The following SYNDIG1L variants were observed in gnomAD, a reference collection of about 807,000 sequenced individuals.
The protein encoded by SYNDIG1L is synapse differentiation-inducing gene protein 1-like.
In SYNDIG1L, 13 loss-of-function variants were observed where a neutral mutation model predicts 20.1. The observed-to-expected ratio is 0.65, with a 90% CI of 0.42 to 1.03. The LOEUF (loss-of-function observed/expected upper bound fraction) is 1.03, where lower values mean the gene tolerates loss of function less well. Ranked by LOEUF, SYNDIG1L falls within the 50% of genes least tolerant of loss-of-function variation. SYNDIG1L has a pLI of 0.00. For missense variants in SYNDIG1L, 294 were observed against 305.1 expected, an observed-to-expected ratio of 0.96 and a Z score of 0.27; for synonymous variants, 128 against 129.3, an observed-to-expected ratio of 0.99 and a Z score of 0.07.
the SYNDIG1L span, among the ~76,000 whole-genome samples, chr14:74,435,290 C>A: frequency 6.6e-6 from 1 of 152,090 alleles, no homozygotes; most frequent in Non-Finnish European, 1.5e-5. Flanking sequence ...AGTTTTGGTG[C>A]CAATGGACAA....
intron 1 of SYNDIG1L, among the ~76,000 whole-genome samples, chr14:74,420,994 A>G (rs1219832391): frequency 2.0e-5 from 3 of 152,242 alleles, no homozygotes; most frequent in Non-Finnish European, 4.4e-5. Context: ...TAAATGGACA[A>G]CAAAAGATAA....
the SYNDIG1L span, among the ~76,000 whole-genome samples, chr14:74,471,416 G>C: frequency 6.6e-5 from 10 of 152,160 alleles, no homozygotes; most frequent in East Asian, 1.9e-3. Context: ...GAGCAACATG[G>C]CAAAACTCCG....
intron 2 of SYNDIG1L, among the ~76,000 whole-genome samples, chr14:74,408,555 C>T: frequency 7.0e-6 from 1 of 143,148 alleles, no homozygotes; most frequent in African/African-American, 2.6e-5. Context: ...CAGAGCGAGA[C>T]TCCATCTCAA....
chr14:74,432,140 GGTGTGTGT>G, the SYNDIG1L span, among the ~76,000 whole-genome samples: 59 of 121,086 alleles, frequency 4.9e-4, no homozygotes, highest in African/African-American at 1.5e-3. Context: ...TGCCTTGGAA[GGTGTGTGT>G]GTGTGTGTGT....
the SYNDIG1L span, among the ~76,000 whole-genome samples, chr14:74,466,758 G>A: frequency 2.0e-5 from 3 of 152,158 alleles, no homozygotes; most frequent in African/African-American, 4.8e-5. Context: ...CAAAAGGTCC[G>A]GTGGCTAAAG....
the SYNDIG1L span, among the ~76,000 whole-genome samples, chr14:74,471,417 C>CA: frequency 3.3e-5 from 5 of 152,012 alleles, no homozygotes; most frequent in Non-Finnish European, 7.4e-5. Flanking sequence ...AGCAACATGG[C>CA]AAAACTCCGT....
At chr14:74,438,346 G>T in the SYNDIG1L span, among the ~76,000 whole-genome samples, 2 of 152,216 alleles carry the variant, frequency 1.3e-5, no homozygotes, top group Non-Finnish European at 2.9e-5. Context: ...GCTCACAGCA[G>T]TTCCAACTCC....
the SYNDIG1L span, chr14:74,479,476 C>G: frequency 6.6e-6 from 1 of 152,280 alleles, no homozygotes; most frequent in African/African-American, 2.4e-5. Flanking sequence ...AAATATATGC[C>G]CATGATTATA....
At chr14:74,477,835 T>C in the SYNDIG1L span, among the ~76,000 whole-genome samples, 1 of 152,202 alleles carries the variant, frequency 6.6e-6, no homozygotes, top group East Asian at 1.9e-4. Context: ...GAGACGGTCA[T>C]TGGAAAGAGG....
intron 3 of SYNDIG1L, 25 bp downstream of exon 3, chr14:74,407,824 G>A (rs1329043513): frequency 6.2e-7 from 1 of 1,601,670 alleles, no homozygotes; most frequent in East Asian, 2.2e-5. Context: ...GCCAGAGAAG[G>A]GACCTGGGCC....
chr14:74,419,137 G>A (rs2086201208), intron 1 of SYNDIG1L, among the ~76,000 whole-genome samples: 2 of 152,144 alleles, frequency 1.3e-5, no homozygotes, highest in Admixed American at 1.3e-4. Flanking sequence ...CTAGCTCTCA[G>A]CTCAAAGGTC....
At chr14:74,420,896 G>A (rs1304806641) in intron 1 of SYNDIG1L, among the ~76,000 whole-genome samples, 1 of 152,190 alleles carries the variant, frequency 6.6e-6, no homozygotes, top group Non-Finnish European at 1.5e-5. Context: ...CAGAAGAGAG[G>A]CCTACTGTGG....
At chr14:74,433,991 A>G in the SYNDIG1L span, among the ~76,000 whole-genome samples, 1 of 152,236 alleles carries the variant, frequency 6.6e-6, no homozygotes, top group African/African-American at 2.4e-5. Flanking sequence ...AGAGTTTGCA[A>G]TATCATGGGA....
chr14:74,446,572 A>G, the SYNDIG1L span, among the ~76,000 whole-genome samples: 1 of 151,592 alleles, frequency 6.6e-6, no homozygotes, highest in Non-Finnish European at 1.5e-5. Context: ...ATGGTAAAGA[A>G]TTCTCAAACT....
At chr14:74,443,898 C>G in the SYNDIG1L span, among the ~76,000 whole-genome samples, 1 of 152,144 alleles carries the variant, frequency 6.6e-6, no homozygotes, top group Admixed American at 6.5e-5. Flanking sequence ...TCCACGGAAT[C>G]TCTGAGCATA....
intron 1 of SYNDIG1L, among the ~76,000 whole-genome samples, chr14:74,415,658 A>G (rs771921670): frequency 1.3e-5 from 2 of 151,588 alleles, no homozygotes; most frequent in East Asian, 1.9e-4. Context: ...TCCTATCTCA[A>G]CCTCCCAGGT....
the SYNDIG1L span, among the ~76,000 whole-genome samples, chr14:74,451,475 A>G: frequency 1.3e-5 from 2 of 152,226 alleles, no homozygotes; most frequent in South Asian, 2.1e-4. Context: ...AACTTGTAGA[A>G]GATGACATTG....
At chr14:74,445,216 A>G in the SYNDIG1L span, among the ~76,000 whole-genome samples, 1 of 152,060 alleles carries the variant, frequency 6.6e-6, no homozygotes, top group Non-Finnish European at 1.5e-5. Context: ...ACCTTCTGCC[A>G]TGATTGTAAG....
At chr14:74,432,844 A>T in the SYNDIG1L span, among the ~76,000 whole-genome samples, 1 of 151,472 alleles carries the variant, frequency 6.6e-6, no homozygotes, top group Non-Finnish European at 1.5e-5. Context: ...ACAGAGGGAG[A>T]TTCTGTCTCA....
Sources: allele counts gnomAD v4.1 joint callset (sites outside exome capture counted in the v4.1 genomes callset), GRCh38; gene constraint gnomAD v4.1.1; transcripts MANE v1.5; gene names NCBI Gene and HGNC (gene_info 2026-07-23, HGNC 2026-07-21).